The following DNAH6 variants were observed in gnomAD, a reference collection of about 807,000 sequenced individuals.
DNAH6 encodes axonemal beta dynein heavy chain 6.
In DNAH6, 340 loss-of-function variants were observed where a neutral mutation model predicts 491.4. That is an observed-to-expected ratio of 0.69 (90% confidence interval 0.63 to 0.76). The LOEUF (loss-of-function observed/expected upper bound fraction) is 0.76. Among genes scored for constraint, DNAH6 ranks in the 30% least tolerant of loss-of-function variants. DNAH6 has a pLI of 0.00. For synonymous variants in DNAH6, 1,603 were observed against 1,686.1 expected, an observed-to-expected ratio of 0.95 and a Z score of 1.21; for missense variants, 4,443 against 4,972.2, an observed-to-expected ratio of 0.89 and a Z score of 3.20.
At chr2:84,492,487 T>G in the DNAH6 span, among the ~76,000 whole-genome samples, 1 of 152,240 alleles carries the variant, frequency 6.6e-6, no homozygotes, top group Admixed American at 6.5e-5. Flanking sequence ...GTTGGTTATT[T>G]TCTTTTCTCA....
the DNAH6 span, among the ~76,000 whole-genome samples, chr2:84,495,597 A>T: frequency 6.6e-6 from 1 of 152,302 alleles, no homozygotes; most frequent in East Asian, 1.9e-4. Flanking sequence ...CAATATTTTG[A>T]AGGAAAACTT....
chr2:84,764,335 AT>A (rs1674869330), intron 64 of DNAH6, among the ~76,000 whole-genome samples: 5 of 152,200 alleles, frequency 3.3e-5, no homozygotes, highest in Admixed American at 3.3e-4. Flanking sequence ...TACAAACAGA[AT>A]TATCAGAAAA....
chr2:84,725,680 A>G (rs1281063047), intron 60 of DNAH6, among the ~76,000 whole-genome samples: 2 of 152,244 alleles, frequency 1.3e-5, no homozygotes, highest in Non-Finnish European at 2.9e-5. Context: ...AGGATGAATC[A>G]TGAAAGCTCT....
At chr2:84,646,711 A>G (rs185232483) in intron 33 of DNAH6, among the ~76,000 whole-genome samples, 6 of 152,326 alleles carry the variant, frequency 3.9e-5, no homozygotes, top group African/African-American at 9.6e-5. Flanking sequence ...CTTCAATTCT[A>G]TAAAGGAGGA....
Position 84,699,879 on chromosome 2 carries a change from C to G in DNAH6, c.7818+145C>G, listed in dbSNP as rs548224630. On this transcript the variant is annotated intron_variant, in intron 48 of 76. Transcript: ENST00000389394. ...TTATTCATATAGAGAATGACCGTGACAATCATAGAACAAAGACAAAACAGA... is the reference window on the plus strand; with the variant it reads ...TTATTCATATAGAGAATGACCGTGAGAATCATAGAACAAAGACAAAACAGA... 374 of 770,652 alleles carry G rather than the reference C, an allele frequency of 4.9e-4. 2 individuals are homozygous for G. The highest frequency in any genetic ancestry group is 3.0e-4 in the Non-Finnish European group (157 of 526,172). 47.7% of individuals were successfully genotyped at this position (770,652 alleles called of 1,614,324 possible).
At chr2:84,797,332 A>G (rs116257460) in intron 69 of DNAH6, among the ~76,000 whole-genome samples, 3,684 of 152,320 alleles carry the variant, frequency 0.024, 77 homozygotes, top group South Asian at 0.06. Flanking sequence ...AAGTTAGGAC[A>G]GTAATGAGAT....
chr2:84,549,065 C>G (rs1024777105), intron 8 of DNAH6, among the ~76,000 whole-genome samples: 1 of 152,160 alleles, frequency 6.6e-6, no homozygotes, highest in Non-Finnish European at 1.5e-5. Context: ...TAGGACCTCA[C>G]CAGGGGACTC....
rs4832106 is a variant in DNAH6 at position 84,672,236 on chromosome 2, G to A, written c.6455-91G>A. 0.85 allele frequency: 1,107,488 copies of A among 1,302,716 alleles called. 476,501 individuals carry two copies. Among genetic ancestry groups the A allele is most frequent in the East Asian group, 0.93 (36,761 of 39,508 alleles). 80.7% of individuals were successfully genotyped at this position (1,302,716 alleles called of 1,614,324 possible). A position where few individuals can be genotyped will look rare whatever the true frequency, so the allele number is the denominator to read the frequency against. On this transcript the variant is annotated intron_variant, in intron 39 of 76. Coordinates refer to ENST00000389394, the MANE Select transcript of DNAH6 (RefSeq NM_001370.2). ...CTGAGCTCTTTATGACCTGTAGGAT[G>A]TCATTGAGTCCAAAGTCATACCCTA... is the stretch of plus-strand genomic sequence containing the variant.
At chr2:84,493,347 T>C in the DNAH6 span, among the ~76,000 whole-genome samples, 1 of 152,228 alleles carries the variant, frequency 6.6e-6, no homozygotes, top group Non-Finnish European at 1.5e-5. Flanking sequence ...ATTGAGTATA[T>C]TGCCCCATGT....
chr2:84,813,943 C>G, intron 74 of DNAH6, 28 bp from the exon 75 acceptor site: 1 of 1,550,496 alleles, frequency 6.4e-7, no homozygotes, highest in Non-Finnish European at 8.7e-7. Flanking sequence ...GTTGTTTGAA[C>G]GCAGCTTTCC....
chr2:84,533,329 G>A (rs1677358991), intron 4 of DNAH6, among the ~76,000 whole-genome samples: 1 of 152,048 alleles, frequency 6.6e-6, no homozygotes, highest in Non-Finnish European at 1.5e-5. Flanking sequence ...GAAATATGCA[G>A]GAAATGAAGA....
Position 84,588,901 on chromosome 2 carries a change from G to T in DNAH6, c.2557G>T (p.Ala853Ser), listed in dbSNP as rs1206136987. The T allele has an allele frequency of 6.4e-7, 1 of 1,550,694 alleles. No individual in the cohort carries two copies. The highest frequency in any genetic ancestry group is 8.7e-7 in the Non-Finnish European group (1 of 1,146,506). ...ATTGAATAATCTGCAATCTGTTCTGGCTGATCTTCAGAAACGTGCATTTCA... is the reference window on the plus strand; with the variant it reads ...ATTGAATAATCTGCAATCTGTTCTGTCTGATCTTCAGAAACGTGCATTTCA... ...LILNNLQSVL[A>S]DLQKRAFQYK... is the part of the protein sequence containing the mutation. The change falls in exon 16 of 77, where the codon GCT becomes TCT. Residue 853 changes from alanine to serine, a missense_variant. By Grantham distance (99) the Ala-to-Ser change is moderately conservative. Around this residue, in one of 3 missense-constraint regions of DNAH6, gnomAD observed 2,977 missense variants for 3,296.6 expected, o/e 0.90. Transcript: ENST00000389394.
In DNAH6 at chr2:84,718,228, C is replaced by T; in HGVS notation, c.9636C>T (p.Pro3212=). 1.3e-6 allele frequency: 2 copies of T among 1,537,474 alleles called. No homozygotes were observed. The highest frequency in any genetic ancestry group is 2.5e-5 in the South Asian group (2 of 80,708). Residue 3212 remains proline (P), a synonymous_variant, in exon 59 of 77, where the codon CCC becomes CCT. Coordinates refer to ENST00000389394, the MANE Select transcript of DNAH6 (RefSeq NM_001370.2). ...LLSDVVRLEK[P]RLEEQRIKLI... is the part of the protein sequence containing the mutation. ...GTGATGTGGTGCGACTTGAAAAACCCAGGTTGGAAGAACAAAGAATTAAGC... is the reference window on the plus strand; with the variant it reads ...GTGATGTGGTGCGACTTGAAAAACCTAGGTTGGAAGAACAAAGAATTAAGC...
At chr2:84,587,520 C>T (rs1683685554) in intron 15 of DNAH6, among the ~76,000 whole-genome samples, 1 of 152,216 alleles carries the variant, frequency 6.6e-6, no homozygotes, top group African/African-American at 2.4e-5. Context: ...GAAATTAGTT[C>T]TCTTTGGCAA....
intron 41 of DNAH6, among the ~76,000 whole-genome samples, chr2:84,677,595 G>A (rs140565088): frequency 3.9e-4 from 60 of 152,198 alleles, no homozygotes; most frequent in Middle Eastern, 3.4e-3. Flanking sequence ...GGCCACTCTC[G>A]CTAAGAATGA....
At chr2:84,630,060 A>C (rs914600171) in intron 29 of DNAH6, among the ~76,000 whole-genome samples, 1 of 152,222 alleles carries the variant, frequency 6.6e-6, no homozygotes, top group Non-Finnish European at 1.5e-5. Flanking sequence ...AACTTATTTG[A>C]AAAATTGATA....
At position 84,814,133 on chromosome 2, in the gene DNAH6, C is replaced by T. The variant is rs1314688708; in HGVS notation, c.12150+11C>T. On this transcript the variant is annotated intron_variant, in intron 75 of 76. Coordinates refer to ENST00000389394, the MANE Select transcript of DNAH6 (RefSeq NM_001370.2). ...CCCATGGACATGGAGGTATTGTCCACCTGGCTGTTATGGCAAAGCAGCTTC... is the reference window on the plus strand; with the variant it reads ...CCCATGGACATGGAGGTATTGTCCATCTGGCTGTTATGGCAAAGCAGCTTC... 6.5e-6 allele frequency: 10 copies of T among 1,549,594 alleles called. No individual in the cohort carries two copies. The highest frequency in any genetic ancestry group is 8.7e-6 in the Non-Finnish European group (10 of 1,145,688).
chr2:84,725,431 A>C (rs1698534967), intron 60 of DNAH6, among the ~76,000 whole-genome samples: 1 of 152,160 alleles, frequency 6.6e-6, no homozygotes, highest in East Asian at 1.9e-4. Flanking sequence ...TCAAACCTCA[A>C]TTCCTAGAGG....
In DNAH6 at chr2:84,814,076, C is replaced by A. The variant is rs1436276245; in HGVS notation, c.12104C>A (p.Ala4035Asp). The change falls in exon 75 of 77, where the codon GCT (alanine) becomes GAT (aspartate). Residue 4035 changes from alanine to aspartate, a missense_variant. Physicochemically the swap from Ala to Asp is moderately radical, Grantham distance 126. This residue lies in a region of DNAH6 where 1,463 missense variants were observed against 1,656.6 expected (regional missense o/e 0.88). Transcript: ENST00000389394. ...TYRDQAAVIEAAKTVQFGQEL... is the reference protein window; with the variant it reads ...TYRDQAAVIEDAKTVQFGQEL... ...CGGGATCAAGCTGCAGTGATAGAAG[C>A]TGCCAAGACAGTGCAATTTGGACAA... 26 of 1,551,618 alleles carry A rather than the reference C, an allele frequency of 1.7e-5. No homozygotes were observed. Among genetic ancestry groups the A allele is most frequent in the Non-Finnish European group, 2.2e-5 (25 of 1,146,998 alleles).
Sources: gnomAD v4.1 joint callset for allele counts (sites outside exome capture counted in the v4.1 genomes callset) on GRCh38, gnomAD v4.1.1 for gene constraint, gnomAD v4.1.1 regional missense constraint, MANE v1.5 for transcripts, NCBI Gene and HGNC (gene_info 2026-07-23, HGNC 2026-07-21) for gene names.